The following NET1 variants were observed in gnomAD, a reference collection of about 807,000 sequenced individuals.
NET1 encodes neuroepithelial cell transforming 1, also known as neuroepithelial cell-transforming gene 1 protein.
NET1 carries 42 observed loss-of-function variants against 61.1 expected under a neutral mutation model. The observed-to-expected ratio is 0.69, with a 90% CI of 0.54 to 0.89. The LOEUF is 0.89. Ranked by LOEUF, NET1 falls within the 40% of genes least tolerant of loss-of-function variation. The probability of loss-of-function intolerance (pLI) is 0.00; values close to 1 mark genes in which losing one functional copy is unlikely to be tolerated. For missense variants in NET1, 654 were observed against 747.3 expected, an observed-to-expected ratio of 0.88 and a Z score of 1.46; for synonymous variants, 254 against 281.8, an observed-to-expected ratio of 0.90 and a Z score of 0.99.
chr10:5,452,922 T>G lies in NET1; in HGVS notation c.594+2T>G, dbSNP rs1296800636. The G allele has an allele frequency of 6.3e-7, 1 of 1,598,966 alleles. No homozygotes were observed. Among genetic ancestry groups the G allele is most frequent in the South Asian group, 1.1e-5 (1 of 90,582 alleles). On this transcript the variant is annotated splice_donor_variant, in intron 6 of 11. Transcript: ENST00000355029. LOFTEE classifies it high-confidence loss of function. This position sits in a 1 kb window ranked among gnomAD's most constrained non-coding sequence, Gnocchi z 4.0. ...GAGGATCTCAAACTTGCAAGAAAGG[T>G]CAGTAAATAACTTTTTATCAGATGC...
In NET1 at chr10:5,454,886, G is replaced by T; in HGVS notation, c.1027-62G>T. ...CCATTCCATATGACATTTTTGCTCT[G>T]CAGGAAGCAGAATGAGTTAATAAAC... On this transcript the variant is annotated intron_variant, in intron 9 of 11. Transcript: ENST00000355029. This position sits in a 1 kb window ranked among gnomAD's most constrained non-coding sequence, Gnocchi z 8.1. 2 of 1,518,128 alleles carry T rather than the reference G, an allele frequency of 1.3e-6. No homozygotes were observed. Among genetic ancestry groups the T allele is most frequent in the Non-Finnish European group, 1.8e-6 (2 of 1,100,926 alleles). The allele number at this position is 1,518,128 out of a possible 1,614,324, so 94.0% of individuals were successfully genotyped here.
intron 1 of NET1, among the ~76,000 whole-genome samples, chr10:5,413,275 C>T (rs1302142957): frequency 6.6e-6 from 1 of 152,174 alleles, no homozygotes; most frequent in African/African-American, 2.4e-5. Context: ...TCCCAAATGC[C>T]TTTGCTCAGA....
Position 5,453,651 on chromosome 10 carries a change from A to G in NET1, c.768+91A>G, listed in dbSNP as rs1832746242. Reference sequence around the variant, plus strand: ...GAATATGAGACAGATTTGATCCCACAACTCTGTTCTACAAACACATAAGGC... The same window carrying G: ...GAATATGAGACAGATTTGATCCCACGACTCTGTTCTACAAACACATAAGGC... On this transcript the variant is annotated intron_variant, in intron 8 of 11. Transcript: ENST00000355029. The surrounding 1 kb of genome is among the most constrained non-coding windows in gnomAD (Gnocchi z 4.9). 1 of 1,115,132 alleles carries G rather than the reference A, an allele frequency of 9.0e-7. No individual in the cohort carries two copies. The highest frequency in any genetic ancestry group is 1.5e-5 in the African/African-American group (1 of 65,064). 69.1% of individuals were successfully genotyped at this position (1,115,132 alleles called of 1,614,324 possible). A position where few individuals can be genotyped will look rare whatever the true frequency, so the allele number is the denominator to read the frequency against.
In NET1 at chr10:5,451,496, A is replaced by G. The variant is rs1832701542; in HGVS notation, c.256-334A>G. On this transcript the variant is annotated intron_variant, in intron 3 of 11. Transcript: ENST00000355029. This position sits in a 1 kb window ranked among gnomAD's most constrained non-coding sequence, Gnocchi z 6.1. The stretch of plus-strand genomic sequence containing the variant: ...ATGTATGTTCGAAAATTTTCATAAC[A>G]ATAAGGCTTTTTTTTAAAAAAAAAA... Among the ~76,000 whole-genome samples, 1 of 116,710 alleles carries G rather than the reference A, an allele frequency of 8.6e-6. No individual in the cohort carries two copies. The highest frequency in any genetic ancestry group is 2.8e-4 in the South Asian group (1 of 3,538). 76.6% of individuals were successfully genotyped at this position (116,710 alleles called of 152,430 possible). A position where few individuals can be genotyped will look rare whatever the true frequency, so the allele number is the denominator to read the frequency against.
At chr10:5,419,644 A>G (rs4376813) in intron 1 of NET1, among the ~76,000 whole-genome samples, 108,295 of 152,118 alleles carry the variant, frequency 0.71, 38,782 homozygotes, top group Middle Eastern at 0.78. Context: ...AGAAATTCTT[A>G]TGGTATTTCT....
At position 5,456,540 on chromosome 10, in the gene NET1, A is replaced by T. The variant is rs778699616; in HGVS notation, c.1385-48A>T. 8.7e-6 allele frequency: 13 copies of T among 1,499,992 alleles called. No individual in the cohort carries two copies. Among genetic ancestry groups the T allele is most frequent in the Non-Finnish European group, 1.8e-6 (2 of 1,120,408 alleles). 92.9% of individuals were successfully genotyped at this position (1,499,992 alleles called of 1,614,324 possible). On this transcript the variant is annotated intron_variant, in intron 11 of 11. Coordinates refer to ENST00000355029, the MANE Select transcript of NET1 (RefSeq NM_001047160.3). The surrounding 1 kb of genome is among the most constrained non-coding windows in gnomAD (Gnocchi z 7.0). ...TGTATGACCACTTTGTCTAGAATAA[A>T]CCTTTTTTTAGCCTGATTTCTTTTT...
intron 3 of NET1, among the ~76,000 whole-genome samples, chr10:5,434,276 T>C (rs1832392181): frequency 6.6e-6 from 1 of 152,212 alleles, no homozygotes; most frequent in Non-Finnish European, 1.5e-5. Flanking sequence ...TCCCTTTCTC[T>C]TTTATCTGGA....
rs1210182024 is a variant in NET1 at position 5,447,800 on chromosome 10, G to A, written c.256-4030G>A. Reference sequence around the variant, plus strand: ...GTTCTTGGTTTTGGTCTTTGCCTATGTGTCGGTTTTCTCAAAATGTGTAAG... The same window carrying A: ...GTTCTTGGTTTTGGTCTTTGCCTATATGTCGGTTTTCTCAAAATGTGTAAG... On this transcript the variant is annotated intron_variant, in intron 3 of 11. Coordinates refer to ENST00000355029, the MANE Select transcript of NET1 (RefSeq NM_001047160.3). The surrounding 1 kb of genome is among the most constrained non-coding windows in gnomAD (Gnocchi z 4.1). Among the ~76,000 whole-genome samples, 1 of 152,204 alleles carries A rather than the reference G, an allele frequency of 6.6e-6. No homozygotes were observed. The highest frequency in any genetic ancestry group is 2.4e-5 in the African/African-American group (1 of 41,464).
chr10:5,454,181 A>AT lies in NET1; in HGVS notation c.769-80dup. On this transcript the variant is annotated intron_variant, in intron 8 of 11. Coordinates refer to ENST00000355029, the MANE Select transcript of NET1 (RefSeq NM_001047160.3). This position sits in a 1 kb window ranked among gnomAD's most constrained non-coding sequence, Gnocchi z 8.1. ...TTAAAACTCTCAAGAATAGCTGTAC[A>AT]TTTTGTGTTTCATGTTTGCAGGCTT... The AT allele has an allele frequency of 7.3e-7, 1 of 1,377,100 alleles. No homozygotes were observed. The highest frequency in any genetic ancestry group is 9.9e-7 in the Non-Finnish European group (1 of 1,008,042). 85.3% of individuals were successfully genotyped at this position (1,377,100 alleles called of 1,614,324 possible). A position where few individuals can be genotyped will look rare whatever the true frequency, so the allele number is the denominator to read the frequency against.
rs770943371 is a variant in NET1 at position 5,451,917 on chromosome 10, C to T, written c.343C>T (p.Arg115Cys). 93 of 1,613,444 alleles carry T rather than the reference C, an allele frequency of 5.8e-5. 1 individual carries two copies. The Middle Eastern group carries it at 6.6e-4, about 11-fold the overall frequency. The change falls in exon 4 of 12, where the codon CGT becomes TGT. Residue 115 changes from arginine to cysteine, a missense_variant. Transcript: ENST00000355029. The surrounding 1 kb of genome is among the most constrained non-coding windows in gnomAD (Gnocchi z 6.1). ...ISPVRNGAVR[R>C]FGQTIQSFTL... The stretch of plus-strand genomic sequence containing the variant: ...TCCTGTAAGAAATGGAGCTGTCAGA[C>T]GTTTTGGTCAAACAATACAGGTAAA...
chr10:5,443,621 GT>G lies in NET1; in HGVS notation c.256-8208del, dbSNP rs1220633217. Among the ~76,000 whole-genome samples, 5 of 152,166 alleles carry G rather than the reference GT, an allele frequency of 3.3e-5. No homozygotes were observed. Among genetic ancestry groups the G allele is most frequent in the Admixed American group, 6.5e-5 (1 of 15,270 alleles). On this transcript the variant is annotated intron_variant, in intron 3 of 11. Coordinates refer to ENST00000355029, the MANE Select transcript of NET1 (RefSeq NM_001047160.3). The surrounding 1 kb of genome is among the most constrained non-coding windows in gnomAD (Gnocchi z 4.8). ...GTTCATCATTCCTTTTTTAGATGCT[GT>G]CTACATTTAGACCCCAAACCTGCAC...
chr10:5,456,400 T>G lies in NET1; in HGVS notation c.1384+127T>G. ...CCTATACTTGTTACATCCATTGAGT[T>G]GTCCAGGCCTTCCCAGCTCGAACAC... On this transcript the variant is annotated intron_variant, in intron 11 of 11. Coordinates refer to ENST00000355029, the MANE Select transcript of NET1 (RefSeq NM_001047160.3). The surrounding 1 kb of genome is among the most constrained non-coding windows in gnomAD (Gnocchi z 7.0). 9.2e-7 allele frequency: 1 copy of G among 1,087,408 alleles called. No individual in the cohort carries two copies. Among genetic ancestry groups the G allele is most frequent in the Non-Finnish European group, 1.3e-6 (1 of 778,486 alleles). 67.4% of individuals were successfully genotyped at this position (1,087,408 alleles called of 1,614,324 possible). A position where few individuals can be genotyped will look rare whatever the true frequency, so the allele number is the denominator to read the frequency against.
Position 5,423,798 on chromosome 10 carries a change from C to T in NET1, c.129-2857C>T, listed in dbSNP as rs1294501754. 6.6e-6 allele frequency among the ~76,000 whole-genome samples: 1 copy of T among 152,054 alleles called. No individual in the cohort carries two copies. Among genetic ancestry groups the T allele is most frequent in the Non-Finnish European group, 1.5e-5 (1 of 68,002 alleles). ...AATAGCTATTACATTTTGAGTCTGA[C>T]GCTTGTGAAAAAATGAGTATATGTC... On this transcript the variant is annotated intron_variant, in intron 1 of 11. Coordinates refer to ENST00000355029, the MANE Select transcript of NET1 (RefSeq NM_001047160.3). This position sits in a 1 kb window ranked among gnomAD's most constrained non-coding sequence, Gnocchi z 4.4.
Position 5,429,180 on chromosome 10 carries a change from G to T in NET1, c.206G>T (p.Arg69Leu), listed in dbSNP as rs201465257. ...PNWDFTLKRK[R>L]REKDDDVVSL... ...CTATTTTTCTTTTAGAAAAGAAAAC[G>T]CAGAGAGAAAGATGATGATGTTGTA... Residue 69 changes from arginine (R) to leucine (L), a missense_variant, in exon 3 of 12, where the codon CGC becomes CTC. Arg to Leu is a moderately radical substitution (Grantham distance 102, BLOSUM62 -2). Transcript: ENST00000355029. The T allele has an allele frequency of 6.2e-7, 1 of 1,608,236 alleles. No individual in the cohort carries two copies. The highest frequency in any genetic ancestry group is 1.7e-5 in the Admixed American group (1 of 59,576).
At position 5,435,389 on chromosome 10, in the gene NET1, A is replaced by G. The variant is rs1458688602; in HGVS notation, c.255+6160A>G. 6.6e-5 allele frequency among the ~76,000 whole-genome samples: 10 copies of G among 152,138 alleles called. No homozygotes were observed. The highest frequency in any genetic ancestry group is 5.2e-4 in the Admixed American group (8 of 15,284). ...CTTACATCTAAATACAACAGTTTTTATGTAATAAGCTAAACATAATCTGTT... is the reference window on the plus strand; with the variant it reads ...CTTACATCTAAATACAACAGTTTTTGTGTAATAAGCTAAACATAATCTGTT... On this transcript the variant is annotated intron_variant, in intron 3 of 11. Transcript: ENST00000355029. The surrounding 1 kb of genome is among the most constrained non-coding windows in gnomAD (Gnocchi z 5.0).
rs1464399023 is a variant in NET1, at chr10:5,426,596, G to T, written c.129-59G>T. 1 of 1,316,876 alleles carries T rather than the reference G, an allele frequency of 7.6e-7. No individual in the cohort carries two copies. The highest frequency in any genetic ancestry group is 1.5e-5 in the African/African-American group (1 of 67,742). 81.6% of individuals were successfully genotyped at this position (1,316,876 alleles called of 1,614,324 possible). On this transcript the variant is annotated intron_variant, in intron 1 of 11. Coordinates refer to ENST00000355029, the MANE Select transcript of NET1 (RefSeq NM_001047160.3). The surrounding 1 kb of genome is among the most constrained non-coding windows in gnomAD (Gnocchi z 4.6). ...GAAAAGTATAGCTTTTTATCTGTTT[G>T]ATGCTCTATTATGCTAAAGTCAATC... is the stretch of plus-strand genomic sequence containing the variant.
At position 5,436,244 on chromosome 10, in the gene NET1, ATATATTTTT is replaced by A. The variant is rs1331859519; in HGVS notation, c.255+7017_255+7025del. 5.4e-3 allele frequency among the ~76,000 whole-genome samples: 122 copies of A among 22,456 alleles called. 2 individuals carry two copies. The highest frequency in any genetic ancestry group is 0.019 in the Middle Eastern group (1 of 54). The allele number at this position is 22,456 out of a possible 152,430, so 14.7% of individuals were successfully genotyped here. Reference sequence around the variant, plus strand: ...TGTGTGCATATATATATATATATATATATATTTTTTTTTTTTTTTTTTTTTTTTTTTAAT... The same window carrying A: ...TGTGTGCATATATATATATATATATATTTTTTTTTTTTTTTTTTTTTTAAT... On this transcript the variant is annotated intron_variant, in intron 3 of 11. Coordinates refer to ENST00000355029, the MANE Select transcript of NET1 (RefSeq NM_001047160.3).
rs747561109 is a variant in NET1 at position 5,452,518 on chromosome 10, G to A, written c.524G>A (p.Arg175Gln). The A allele has an allele frequency of 7.4e-6, 12 of 1,610,864 alleles. No homozygotes were observed. The highest frequency in any genetic ancestry group is 2.2e-5 in the South Asian group (2 of 90,510). The change falls in exon 5 of 12, where the codon CGG becomes CAG. Residue 175 changes from arginine to glutamine, a missense_variant. Arg to Gln is a conservative substitution (Grantham distance 43, BLOSUM62 1). Coordinates refer to ENST00000355029, the MANE Select transcript of NET1 (RefSeq NM_001047160.3). The surrounding 1 kb of genome is among the most constrained non-coding windows in gnomAD (Gnocchi z 4.0). ...KESLTTREIRRQEAIYEMSRG... is the reference protein window; with the variant it reads ...KESLTTREIRQQEAIYEMSRG... ...TCTCTCACCACCAGGGAGATCAGAC[G>A]GCAGGAGGTATGCTGGCACTCAGTG...
rs79797786 is a variant in NET1 at position 5,453,740 on chromosome 10, C to A, written c.768+180C>A. Among the ~76,000 whole-genome samples the A allele has an allele frequency of 6.7e-6, 1 of 150,268 alleles. No homozygotes were observed. The highest frequency in any genetic ancestry group is 1.5e-5 in the Non-Finnish European group (1 of 67,456). ...CAGTCTGTTTAAAAAAAAAAAAAAA[C>A]ACCTTCATTAATGCTATAGGTTCAT... On this transcript the variant is annotated intron_variant, in intron 8 of 11. Coordinates refer to ENST00000355029, the MANE Select transcript of NET1 (RefSeq NM_001047160.3). The surrounding 1 kb of genome is among the most constrained non-coding windows in gnomAD (Gnocchi z 4.9).
Sources: allele counts gnomAD v4.1 joint callset (sites outside exome capture counted in the v4.1 genomes callset), GRCh38; gene constraint gnomAD v4.1.1; non-coding constraint Gnocchi (gnomAD v3.1); transcripts MANE v1.5; gene names NCBI Gene and HGNC (gene_info 2026-07-23, HGNC 2026-07-21).